CAB39: variants seen among roughly 807,000 people sequenced by gnomAD.
CAB39 encodes calcium binding protein 39.
Under a neutral mutation model 40.0 loss-of-function variants are expected in CAB39, and 8 were observed. The observed-to-expected ratio is 0.20, with a 90% confidence interval of 0.12 to 0.36. The LOEUF (loss-of-function observed/expected upper bound fraction) is 0.36. Among genes scored for constraint, CAB39 ranks in the 10% least tolerant of loss-of-function variants. The probability of loss-of-function intolerance (pLI) is 1.00; values close to 1 mark genes in which losing one functional copy is unlikely to be tolerated. For synonymous variants in CAB39, 156 were observed against 141.6 expected, an observed-to-expected ratio of 1.10 and a Z score of -0.72; for missense variants, 270 against 401.1, an observed-to-expected ratio of 0.67 and a Z score of 2.79.
intron 1 of CAB39, among the ~76,000 whole-genome samples, chr2:230,744,334 C>T (rs182055658): frequency 2.0e-5 from 3 of 152,300 alleles, no homozygotes; most frequent in African/African-American, 7.2e-5. Context: ...TACTCTGTTG[C>T]CCAGGCTGGA....
At chr2:230,758,017 G>A (rs1695223011) in intron 1 of CAB39, among the ~76,000 whole-genome samples, 1 of 152,140 alleles carries the variant, frequency 6.6e-6, no homozygotes, top group South Asian at 2.1e-4. Context: ...TGGATTTTAT[G>A]GCTGGGCATG....
At chr2:230,792,994 G>A (rs1695916498) in intron 3 of CAB39, among the ~76,000 whole-genome samples, 1 of 152,088 alleles carries the variant, frequency 6.6e-6, no homozygotes, top group African/African-American at 2.4e-5. Flanking sequence ...ACCCATTGTT[G>A]TTTTTGTCAA....
At position 230,777,187 on chromosome 2, in the gene CAB39, A is replaced by G. The variant is rs1695607566; in HGVS notation, c.115-13685A>G. On this transcript the variant is annotated intron_variant, in intron 2 of 8. Coordinates refer to ENST00000258418, the MANE Select transcript of CAB39 (RefSeq NM_016289.4). ...CATTCCCCCAAAAAGCAGAAAATAC[A>G]AGACTATAAAGAAAAAAATTAAGTT... Among the ~76,000 whole-genome samples, 8 of 152,122 alleles carry G rather than the reference A, an allele frequency of 5.3e-5. 1 individual carries two copies. The highest frequency in any genetic ancestry group is 3.9e-4 in the Admixed American group (6 of 15,286).
intron 1 of CAB39, among the ~76,000 whole-genome samples, chr2:230,742,519 A>T (rs1177585801): frequency 6.6e-6 from 1 of 151,902 alleles, no homozygotes; most frequent in African/African-American, 2.4e-5. Flanking sequence ...TTAAGTGACA[A>T]AGTTGAAATG....
intron 1 of CAB39, among the ~76,000 whole-genome samples, chr2:230,718,543 G>A (rs1694392226): frequency 6.6e-6 from 1 of 152,204 alleles, no homozygotes; most frequent in South Asian, 2.1e-4. Flanking sequence ...TCTGCTGTGG[G>A]CTCTATAACC....
intron 2 of CAB39, among the ~76,000 whole-genome samples, chr2:230,781,124 A>G (rs1695679374): frequency 6.6e-6 from 1 of 152,136 alleles, no homozygotes. Flanking sequence ...ATCTCTTCTA[A>G]AAGTTTCTCA....
At chr2:230,736,391 C>T (rs1231406327) in intron 1 of CAB39, among the ~76,000 whole-genome samples, 1 of 151,960 alleles carries the variant, frequency 6.6e-6, no homozygotes, top group Non-Finnish European at 1.5e-5. Flanking sequence ...TTCTTCTCCC[C>T]TTCTGTCTCA....
chr2:230,725,188 CTTGGCGCT>C (rs1158579127), intron 1 of CAB39: 2 of 1,610,732 alleles, frequency 1.2e-6, no homozygotes, highest in African/African-American at 2.7e-5. Context: ...CCCGGGACTG[CTTGGCGCT>C]GGCGCCACAA....
chr2:230,738,009 A>G (rs1694816277), intron 1 of CAB39, among the ~76,000 whole-genome samples: 1 of 152,210 alleles, frequency 6.6e-6, no homozygotes, highest in South Asian at 2.1e-4. Flanking sequence ...TCAGAGCTTG[A>G]CGAAATTACA....
chr2:230,751,058 A>G (rs971551519), intron 1 of CAB39, among the ~76,000 whole-genome samples: 10 of 152,354 alleles, frequency 6.6e-5, no homozygotes, highest in African/African-American at 2.2e-4. Flanking sequence ...ACTGGAAGCA[A>G]GGGATTAAGT....
chr2:230,768,865 A>G (rs1302507830), intron 2 of CAB39, among the ~76,000 whole-genome samples: 2 of 152,252 alleles, frequency 1.3e-5, no homozygotes, highest in Non-Finnish European at 2.9e-5. Context: ...CAGATGTGGT[A>G]TAGAAAACAA....
intron 1 of CAB39, among the ~76,000 whole-genome samples, chr2:230,754,833 T>C (rs960891801): frequency 2.0e-5 from 3 of 152,152 alleles, no homozygotes; most frequent in Non-Finnish European, 4.4e-5. Flanking sequence ...TGTAGTCTTC[T>C]ATCGCTCGCC....
In CAB39 at chr2:230,765,335, G is replaced by T. The variant is rs187239315; in HGVS notation, c.114+5220G>T. On this transcript the variant is annotated intron_variant, in intron 2 of 8. Transcript: ENST00000258418. ...GTTTGGCGTCACTGCCTTTGTTCATGCTTGGTTCATGATGGTGTCAGCACC... is the reference window on the plus strand; with the variant it reads ...GTTTGGCGTCACTGCCTTTGTTCATTCTTGGTTCATGATGGTGTCAGCACC... Among the ~76,000 whole-genome samples the T allele has an allele frequency of 7.5e-4, 114 of 152,196 alleles. No homozygotes were observed. In the Middle Eastern group the frequency reaches 0.014, roughly 18 times the overall value.
At chr2:230,795,466 T>C (rs947708553) in intron 4 of CAB39, among the ~76,000 whole-genome samples, 2 of 152,234 alleles carry the variant, frequency 1.3e-5, no homozygotes, top group African/African-American at 4.8e-5. Context: ...CACTATCTGC[T>C]AGTGATTTAA....
rs61521742 is a variant in CAB39, at chr2:230,731,591, C to T, written c.-44+18361C>T. On this transcript the variant is annotated intron_variant, in intron 1 of 8. Transcript: ENST00000258418. The stretch of plus-strand genomic sequence containing the variant: ...CATCATAGCTCACTGTAGCCTCAAA[C>T]GTCAGGGCTCAAGTAATCGTCCCTC... 4.8e-3 allele frequency among the ~76,000 whole-genome samples: 738 copies of T among 152,298 alleles called. 5 individuals are homozygous for T. Among genetic ancestry groups the T allele is most frequent in the African/African-American group, 0.017 (689 of 41,550 alleles).
At chr2:230,793,589 AAAT>A (rs1304046983) in intron 4 of CAB39, among the ~76,000 whole-genome samples, 2 of 152,222 alleles carry the variant, frequency 1.3e-5, no homozygotes, top group Non-Finnish European at 2.9e-5. Context: ...CTGAAGGAAA[AAAT>A]AATAATTCTC....
intron 6 of CAB39, among the ~76,000 whole-genome samples, chr2:230,811,422 T>C (rs2466153): frequency 0.017 from 2,642 of 152,336 alleles, 40 homozygotes; most frequent in Non-Finnish European, 0.028. Context: ...GCTGGTCCTT[T>C]ATTTTTATTT....
chr2:230,808,061 CTTTT>C (rs2124977666), intron 5 of CAB39, among the ~76,000 whole-genome samples: 5 of 149,252 alleles, frequency 3.4e-5, no homozygotes, highest in African/African-American at 1.3e-4. Flanking sequence ...TTTTTCTTTT[CTTTT>C]CTTTTCTTTT....
intron 5 of CAB39, among the ~76,000 whole-genome samples, chr2:230,800,369 T>A (rs1696067827): frequency 6.6e-6 from 1 of 152,184 alleles, no homozygotes; most frequent in African/African-American, 2.4e-5. Flanking sequence ...GGAATTTATT[T>A]CCCAAAACTC....
Sources: gnomAD v4.1 joint callset for allele counts (sites outside exome capture counted in the v4.1 genomes callset) on GRCh38, gnomAD v4.1.1 for gene constraint, MANE v1.5 for transcripts, NCBI Gene and HGNC (gene_info 2026-07-23, HGNC 2026-07-21) for gene names.